The following STK32B variants were observed in gnomAD, a reference collection of about 807,000 sequenced individuals.
STK32B encodes the protein serine/threonine-protein kinase 32B.
A neutral mutation model predicts 52.6 loss-of-function variants in STK32B; 43 were observed. The observed-to-expected ratio is 0.82, with a 90% CI of 0.64 to 1.05. STK32B has a LOEUF of 1.05. Ranked by LOEUF, STK32B falls within the 50% of genes least tolerant of loss-of-function variation. STK32B has a pLI of 0.00. For missense variants in STK32B, 621 were observed against 534.6 expected (o/e 1.16, Z -1.59); for synonymous variants, 238 against 204.3 (o/e 1.17, Z -1.41).
chr4:5,331,820 G>A (rs1472718153), intron 4 of STK32B, among the ~76,000 whole-genome samples: 1 of 152,138 alleles, frequency 6.6e-6, no homozygotes, highest in African/African-American at 2.4e-5. Context: ...GGAAGCCTCA[G>A]TGCTGGCTCT....
chr4:5,491,018 G>C (rs1264725133), intron 11 of STK32B, among the ~76,000 whole-genome samples: 3 of 152,170 alleles, frequency 2.0e-5, no homozygotes, highest in Non-Finnish European at 2.9e-5. Context: ...ATTGTGAATA[G>C]TGCCATAATA....
intron 1 of STK32B, among the ~76,000 whole-genome samples, chr4:5,102,491 TC>T: frequency 1.3e-5 from 1 of 79,982 alleles, no homozygotes; most frequent in Non-Finnish European, 2.5e-5. Context: ...CTTCCTTCCT[TC>T]CCTCCCTCCC....
intron 1 of STK32B, among the ~76,000 whole-genome samples, chr4:5,108,791 C>G (rs1714244551): frequency 6.6e-6 from 1 of 152,174 alleles, no homozygotes; most frequent in Non-Finnish European, 1.5e-5. Context: ...AGTCTGTTGA[C>G]TCCACAAAGT....
chr4:5,082,653 G>T (rs186683902), intron 1 of STK32B, among the ~76,000 whole-genome samples: 4 of 152,034 alleles, frequency 2.6e-5, no homozygotes, highest in Admixed American at 2.6e-4. Flanking sequence ...GGCATTGTCT[G>T]CCCAGGTTCT....
chr4:5,486,383 A>G (rs572024659), intron 11 of STK32B, among the ~76,000 whole-genome samples: 1 of 152,190 alleles, frequency 6.6e-6, no homozygotes, highest in African/African-American at 2.4e-5. Context: ...GGATCCTCCC[A>G]GCCAGGCGCG....
chr4:5,378,224 C>G lies in STK32B; in HGVS notation c.435-19983C>G, dbSNP rs969037582. Among the ~76,000 whole-genome samples, 3 of 152,098 alleles carry G rather than the reference C, an allele frequency of 2.0e-5. No homozygotes were observed. On this transcript the variant is annotated intron_variant, in intron 4 of 11. Transcript: ENST00000282908. This position sits in a 1 kb window ranked among gnomAD's most constrained non-coding sequence, Gnocchi z 4.4. ...GTGACAGCAGGCACTTTATGAAAGA[C>G]AGACGTTAGAGGGGAGGGAAGACAG... is the stretch of plus-strand genomic sequence containing the variant.
intron 3 of STK32B, among the ~76,000 whole-genome samples, chr4:5,305,901 A>T (rs988786099): frequency 6.6e-6 from 1 of 152,020 alleles, no homozygotes; most frequent in Admixed American, 6.6e-5. Flanking sequence ...GATAGGTTGT[A>T]TCACTATTAT....
chr4:5,199,276 G>A (rs1398219854), intron 3 of STK32B, among the ~76,000 whole-genome samples: 2 of 152,184 alleles, frequency 1.3e-5, no homozygotes, highest in African/African-American at 4.8e-5. Context: ...TCAACATTGT[G>A]CAGAAAGTAG....
At position 5,499,126 on chromosome 4, in the gene STK32B, C is replaced by G. The variant is rs200052625; in HGVS notation, c.*43C>G. On this transcript the variant is annotated 3_prime_UTR_variant, in exon 12 of 12. Transcript: ENST00000282908. ...CTCAACAGGACTGCACTCGTCTCTG[C>G]CCTGCCCACCCAGAGCCCCTCTTTG... 7.1e-6 allele frequency: 11 copies of G among 1,552,676 alleles called. No individual in the cohort carries two copies. Among genetic ancestry groups the G allele is most frequent in the Non-Finnish European group, 9.6e-6 (11 of 1,144,104 alleles).
intron 6 of STK32B, among the ~76,000 whole-genome samples, chr4:5,445,134 C>G (rs891264108): frequency 6.6e-6 from 1 of 152,166 alleles, no homozygotes; most frequent in Non-Finnish European, 1.5e-5. Flanking sequence ...TCCCCGGAGG[C>G]TGTTGTGAAG....
chr4:5,395,375 A>G lies in STK32B; in HGVS notation c.435-2832A>G, dbSNP rs1736820948. Reference sequence around the variant, plus strand: ...TCATCCTCCTACTTCCTCATCTGCAAAATGAGAACTTGCTCACTACATGAT... The same window carrying G: ...TCATCCTCCTACTTCCTCATCTGCAGAATGAGAACTTGCTCACTACATGAT... On this transcript the variant is annotated intron_variant, in intron 4 of 11. Coordinates refer to ENST00000282908, the MANE Select transcript of STK32B (RefSeq NM_018401.3). This position sits in a 1 kb window ranked among gnomAD's most constrained non-coding sequence, Gnocchi z 4.4. Among the ~76,000 whole-genome samples, 1 of 152,242 alleles carries G rather than the reference A, an allele frequency of 6.6e-6. No homozygotes were observed. The highest frequency in any genetic ancestry group is 1.5e-5 in the Non-Finnish European group (1 of 68,040).
chr4:5,120,380 G>A (rs2108810308), intron 1 of STK32B, among the ~76,000 whole-genome samples: 1 of 152,318 alleles, frequency 6.6e-6, no homozygotes, highest in South Asian at 2.1e-4. Flanking sequence ...GAAAGGGGGA[G>A]TGCATCACAA....
chr4:5,197,890 C>T (rs1721812990), intron 3 of STK32B, among the ~76,000 whole-genome samples: 1 of 152,062 alleles, frequency 6.6e-6, no homozygotes, highest in Admixed American at 6.6e-5. Flanking sequence ...AGTGAGCCAT[C>T]CTGCCTGGAA....
the STK32B span, among the ~76,000 whole-genome samples, chr4:5,033,603 C>T: frequency 0.01 from 1,571 of 152,274 alleles, 33 homozygotes; most frequent in African/African-American, 0.035. Flanking sequence ...TTCTCCTTCA[C>T]GAGGAGGCCA....
intron 1 of STK32B, among the ~76,000 whole-genome samples, chr4:5,134,682 A>G (rs1715967781): frequency 6.6e-6 from 1 of 152,232 alleles, no homozygotes. Context: ...CAGACTAAAC[A>G]CACGCATGAC....
At chr4:5,423,109 A>G (rs1254632826) in intron 6 of STK32B, among the ~76,000 whole-genome samples, 1 of 152,170 alleles carries the variant, frequency 6.6e-6, no homozygotes, top group Non-Finnish European at 1.5e-5. Context: ...TGGAAGGTTC[A>G]GTGCTGGAGA....
rs188373964 is a variant in STK32B, at chr4:5,091,324, C to G, written c.52+39409C>G. ...AGAATGGGAGAAGTGATGTAAAAAT[C>G]ATATATTTGATAAGGACCTAATAAA... On this transcript the variant is annotated intron_variant, in intron 1 of 11. Coordinates refer to ENST00000282908, the MANE Select transcript of STK32B (RefSeq NM_018401.3). Among the ~76,000 whole-genome samples, 336 of 152,038 alleles carry G rather than the reference C, an allele frequency of 2.2e-3. 10 individuals carry two copies. Among genetic ancestry groups the G allele is most frequent in the Non-Finnish European group, 4.3e-4 (29 of 67,962 alleles).
intron 11 of STK32B, among the ~76,000 whole-genome samples, chr4:5,477,198 T>C (rs976942572): frequency 6.6e-6 from 1 of 152,186 alleles, no homozygotes; most frequent in African/African-American, 2.4e-5. Context: ...ACGTTAAGCA[T>C]GGCTATTATT....
intron 3 of STK32B, among the ~76,000 whole-genome samples, chr4:5,316,946 A>T (rs1350182339): frequency 3.5e-4 from 8 of 23,174 alleles, no homozygotes; most frequent in Non-Finnish European, 4.5e-4. Context: ...ATAATATATA[A>T]TATGTATGAT....
Sources: allele counts gnomAD v4.1 joint callset (sites outside exome capture counted in the v4.1 genomes callset), GRCh38; gene constraint gnomAD v4.1.1; non-coding constraint Gnocchi (gnomAD v3.1); transcripts MANE v1.5; gene names NCBI Gene and HGNC (gene_info 2026-07-23, HGNC 2026-07-21).